Variants in DGCR2 observed in about 807,000 individuals in gnomAD.
DGCR2 encodes the protein DiGeorge syndrome critical region gene 2.
In DGCR2, 24 loss-of-function variants were observed where a neutral mutation model predicts 51.6. The ratio of observed to expected loss-of-function variants is 0.47; its 90% CI spans 0.34 to 0.65. DGCR2 has a LOEUF of 0.65. DGCR2 is among the 30% of genes least tolerant of loss of function. The pLI is 0.01. For missense variants in DGCR2, 765 were observed against 772.1 expected, an observed-to-expected ratio of 0.99 and a Z score of 0.11; for synonymous variants, 340 against 315.4, an observed-to-expected ratio of 1.08 and a Z score of -0.82.
chr22:19,055,164 C>T (rs1045287109), intron 6 of DGCR2, among the ~76,000 whole-genome samples: 33 of 151,886 alleles, frequency 2.2e-4, no homozygotes, highest in Admixed American at 3.3e-4. Flanking sequence ...CAAACCAAAT[C>T]CACCAATATA....
intron 7 of DGCR2, chr22:19,046,411 C>T (rs2082490591): frequency 6.5e-6 from 1 of 153,154 alleles, no homozygotes; most frequent in African/African-American, 2.4e-5. Flanking sequence ...GTTCTAATAA[C>T]TTTCCTGTAG....
intron 2 of DGCR2, among the ~76,000 whole-genome samples, chr22:19,071,701 A>G (rs553506945): frequency 3.4e-4 from 52 of 152,372 alleles, no homozygotes; most frequent in African/African-American, 1.1e-3. Context: ...CTTGAATTAA[A>G]AGGGGAAAGA....
chr22:19,084,373 C>T (rs1021371611), intron 2 of DGCR2, among the ~76,000 whole-genome samples: 5 of 151,976 alleles, frequency 3.3e-5, no homozygotes, highest in African/African-American at 1.2e-4. Context: ...CCGGCCACGA[C>T]CCCGTCTGGG....
intron 1 of DGCR2, among the ~76,000 whole-genome samples, chr22:19,117,560 G>A (rs1418111736): frequency 1.3e-5 from 2 of 152,168 alleles, no homozygotes; most frequent in Non-Finnish European, 1.5e-5. Context: ...CGGCCATGGC[G>A]CATACAACTT....
intron 2 of DGCR2, among the ~76,000 whole-genome samples, chr22:19,088,894 T>C (rs1020084064): frequency 1.3e-5 from 2 of 152,114 alleles, no homozygotes; most frequent in Non-Finnish European, 2.9e-5. Flanking sequence ...TTTAGGAGAC[T>C]ACATAATGGC....
At chr22:19,056,847 A>C in intron 6 of DGCR2, 139 bp downstream of exon 6, 1 of 959,238 alleles carries the variant, frequency 1.0e-6, no homozygotes, top group Non-Finnish European at 1.5e-6. Flanking sequence ...GGGCCCCAAG[A>C]ACAAGGTGTG....
intron 7 of DGCR2, among the ~76,000 whole-genome samples, chr22:19,044,847 ATTGAG>A (rs2082471628): frequency 6.6e-6 from 1 of 151,934 alleles, no homozygotes; most frequent in Admixed American, 6.5e-5. Context: ...TTTTCTTATT[ATTGAG>A]TTTTTATGTA....
intron 6 of DGCR2, among the ~76,000 whole-genome samples, chr22:19,050,946 T>C (rs2082541473): frequency 6.6e-6 from 1 of 152,134 alleles, no homozygotes; most frequent in Non-Finnish European, 1.5e-5. Flanking sequence ...CCCAGCACTT[T>C]GTGAGGCCGA....
chr22:19,059,715 C>T (rs527632462), intron 5 of DGCR2, among the ~76,000 whole-genome samples: 1 of 152,042 alleles, frequency 6.6e-6, no homozygotes, highest in Non-Finnish European at 1.5e-5. Flanking sequence ...AGGACTCTGA[C>T]GGGAGCCTTG....
At chr22:19,083,672 TCCCCTCTCCCTCTCCCTCTCCCCCCTC>T (rs1361530406) in intron 2 of DGCR2, among the ~76,000 whole-genome samples, 5 of 146,962 alleles carry the variant, frequency 3.4e-5, no homozygotes, top group African/African-American at 1.0e-4. Context: ...CAAAGATGGT[TCCCCTCTCCCTCTCCCTCTCCCCCCTC>T]CCCCTCCCCC....
intron 2 of DGCR2, among the ~76,000 whole-genome samples, chr22:19,088,956 G>A (rs2083047687): frequency 6.6e-6 from 1 of 152,158 alleles, no homozygotes; most frequent in South Asian, 2.1e-4. Flanking sequence ...GAGCAGGAGG[G>A]GAGGGCGTGC....
intron 1 of DGCR2, among the ~76,000 whole-genome samples, chr22:19,119,543 C>T (rs1348669493): frequency 6.6e-6 from 1 of 152,002 alleles, no homozygotes; most frequent in Non-Finnish European, 1.5e-5. Context: ...CCAGACCAGC[C>T]CGGCCAACAT....
intron 5 of DGCR2, among the ~76,000 whole-genome samples, chr22:19,062,333 A>G (rs998816744): frequency 5.9e-5 from 9 of 152,166 alleles, no homozygotes; most frequent in Admixed American, 5.2e-4. Context: ...GCCCTGTCCC[A>G]GCAGCCAGGC....
chr22:19,040,290 C>T (rs1181901930), intron 9 of DGCR2, among the ~76,000 whole-genome samples: 5 of 152,232 alleles, frequency 3.3e-5, no homozygotes, highest in African/African-American at 9.6e-5. Flanking sequence ...ACTAAACAAA[C>T]GAACAGGACT....
Position 19,038,836 on chromosome 22 carries a change from C to T in DGCR2, c.*29G>A, listed in dbSNP as rs2082399103. On this transcript the variant is annotated 3_prime_UTR_variant, in exon 10 of 10. Coordinates refer to ENST00000263196, the MANE Select transcript of DGCR2 (RefSeq NM_005137.3). ...TGTTTTCTACAACAGACAGGTGCTC[C>T]CAGACCGTTGGGGTACAGGCCAGGC... 1 of 1,600,988 alleles carries T rather than the reference C, an allele frequency of 6.2e-7. No individual in the cohort carries two copies. The highest frequency in any genetic ancestry group is 1.7e-5 in the Admixed American group (1 of 58,868).
chr22:19,063,148 A>G (rs2082704617), intron 5 of DGCR2, 54 bp downstream of exon 5: 14 of 1,551,380 alleles, frequency 9.0e-6, no homozygotes, highest in African/African-American at 1.4e-5. Flanking sequence ...GGAGGCCCCG[A>G]ATCAGGGTGA....
rs1472109391 is a variant in DGCR2, at chr22:19,073,523, T to A, written c.203-5298A>T. ...TAAGCTGTAAGGCATGAGTCTAAGA[T>A]GAAAAGACCCACTGAGGAGGCAGTG... is the stretch of plus-strand genomic sequence containing the variant. On this transcript the variant is annotated intron_variant, in intron 2 of 9. Coordinates refer to ENST00000263196, the MANE Select transcript of DGCR2 (RefSeq NM_005137.3). Among the ~76,000 whole-genome samples, 4 of 151,998 alleles carry A rather than the reference T, an allele frequency of 2.6e-5. No homozygotes were observed. The East Asian group carries it at 5.8e-4, about 22-fold the overall frequency.
chr22:19,060,144 C>T (rs1398833944), intron 5 of DGCR2, among the ~76,000 whole-genome samples: 1 of 152,296 alleles, frequency 6.6e-6, no homozygotes, highest in Admixed American at 6.5e-5. Flanking sequence ...GTCAGCTCAC[C>T]CAGAGGGCAG....
chr22:19,055,102 C>A (rs1298389319), intron 6 of DGCR2, among the ~76,000 whole-genome samples: 2 of 151,962 alleles, frequency 1.3e-5, no homozygotes, highest in African/African-American at 2.4e-5. Flanking sequence ...GGTGACGGGG[C>A]AAGACTCTGT....
Sources: allele counts gnomAD v4.1 joint callset (sites outside exome capture counted in the v4.1 genomes callset), GRCh38; gene constraint gnomAD v4.1.1; transcripts MANE v1.5; gene names NCBI Gene and HGNC (gene_info 2026-07-23, HGNC 2026-07-21).